Variants in DTD1 observed in about 807,000 individuals in gnomAD.
DTD1 encodes the protein D-tyrosyl-tRNA deacylase 1 homolog.
In DTD1, 13 loss-of-function variants were observed where a neutral mutation model predicts 25.6. That is an observed-to-expected ratio of 0.51 (90% CI 0.33 to 0.81). The LOEUF is 0.81. Ranked by LOEUF, DTD1 falls within the 30% of genes least tolerant of loss-of-function variation. DTD1 has a pLI of 0.02. For missense variants in DTD1, 193 were observed against 266.4 expected (o/e 0.72, Z 1.92); for synonymous variants, 110 against 103.6 (o/e 1.06, Z -0.37).
intron 3 of DTD1, among the ~76,000 whole-genome samples, chr20:18,619,053 C>T (rs1409177096): frequency 6.6e-6 from 1 of 152,114 alleles, no homozygotes; most frequent in Admixed American, 6.5e-5. Context: ...CTATGTTGCC[C>T]AGGCTGGTCT....
intron 3 of DTD1, among the ~76,000 whole-genome samples, chr20:18,625,315 A>G (rs778952250): frequency 7.2e-5 from 11 of 152,242 alleles, no homozygotes; most frequent in Non-Finnish European, 1.6e-4. Context: ...CTGACAAAAC[A>G]GATATTTTCA....
At chr20:18,704,749 T>TAAAATG (rs1305621625) in intron 4 of DTD1, among the ~76,000 whole-genome samples, 1 of 151,996 alleles carries the variant, frequency 6.6e-6, no homozygotes, top group Non-Finnish European at 1.5e-5. Context: ...AGGACAGACC[T>TAAAATG]CACCCCAAAG....
chr20:18,743,961 A>G (rs753228685), intron 4 of DTD1, 139 bp from the exon 5 acceptor site: 106 of 798,368 alleles, frequency 1.3e-4, no homozygotes, highest in Middle Eastern at 1.1e-3. Flanking sequence ...ATAATTTGGT[A>G]TATCTGAACC....
At chr20:18,748,002 A>C (rs2061307074) in intron 5 of DTD1, among the ~76,000 whole-genome samples, 1 of 152,168 alleles carries the variant, frequency 6.6e-6, no homozygotes, top group African/African-American at 2.4e-5. Context: ...CTGGCGACAG[A>C]GTGAGACTCC....
At chr20:18,708,298 A>G (rs868468711) in intron 4 of DTD1, among the ~76,000 whole-genome samples, 1 of 43,204 alleles carries the variant, frequency 2.3e-5, no homozygotes, top group Non-Finnish European at 4.2e-5. Flanking sequence ...TATATATATA[A>G]TATATATATT....
chr20:18,712,569 A>G (rs1600385903), intron 4 of DTD1, among the ~76,000 whole-genome samples: 1 of 152,324 alleles, frequency 6.6e-6, no homozygotes, highest in Non-Finnish European at 1.5e-5. Flanking sequence ...CCGAGATCCC[A>G]TATGAAAACG....
intron 4 of DTD1, among the ~76,000 whole-genome samples, chr20:18,677,196 G>T (rs1348654572): frequency 1.3e-5 from 2 of 152,002 alleles, no homozygotes; most frequent in Non-Finnish European, 2.9e-5. Flanking sequence ...CATTTGAAAT[G>T]GTTTGAGTTT....
intron 4 of DTD1, among the ~76,000 whole-genome samples, chr20:18,714,319 G>A (rs2061171391): frequency 6.6e-6 from 1 of 152,080 alleles, no homozygotes; most frequent in African/African-American, 2.4e-5. Flanking sequence ...CCTCTGATCT[G>A]GGGTACTGTT....
At chr20:18,711,477 G>C (rs1160956450) in intron 4 of DTD1, among the ~76,000 whole-genome samples, 2 of 151,946 alleles carry the variant, frequency 1.3e-5, no homozygotes, top group African/African-American at 4.8e-5. Flanking sequence ...GTTGCCTGAG[G>C]TCCTGTGTCT....
rs910609550 is a variant in DTD1, at chr20:18,660,131, G to A, written c.477+31898G>A. 1.2e-4 allele frequency among the ~76,000 whole-genome samples: 18 copies of A among 152,210 alleles called. 1 individual carries two copies. Among genetic ancestry groups the A allele is most frequent in the Middle Eastern group, 3.4e-3 (1 of 294 alleles). ...TGGAAGCCTATAATCACAGCTACTC[G>A]GGAGGGTGGAGGTTGCAGTGAGCTG... On this transcript the variant is annotated intron_variant, in intron 4 of 5. Transcript: ENST00000377452.
At chr20:18,611,784 T>G (rs183031960) in intron 3 of DTD1, among the ~76,000 whole-genome samples, 1 of 152,306 alleles carries the variant, frequency 6.6e-6, no homozygotes. Flanking sequence ...TCACTTGTTC[T>G]GTATACAGTG....
At chr20:18,597,389 A>G (rs1016220429) in intron 3 of DTD1, among the ~76,000 whole-genome samples, 1 of 152,186 alleles carries the variant, frequency 6.6e-6, no homozygotes, top group South Asian at 2.1e-4. Flanking sequence ...CACATACTGT[A>G]CAATTCACCT....
intron 4 of DTD1, among the ~76,000 whole-genome samples, chr20:18,666,562 T>C (rs2060932088): frequency 6.6e-6 from 1 of 152,192 alleles, no homozygotes; most frequent in South Asian, 2.1e-4. Context: ...CACAGTTAAT[T>C]AGACGTCCTG....
intron 4 of DTD1, among the ~76,000 whole-genome samples, chr20:18,708,277 A>ATAAT (rs376267580): frequency 2.6e-4 from 4 of 15,584 alleles, no homozygotes; most frequent in Non-Finnish European, 4.2e-4. Flanking sequence ...ATATATATAT[A>ATAAT]ATATATATTA....
intron 4 of DTD1, among the ~76,000 whole-genome samples, chr20:18,710,070 T>C (rs1199018587): frequency 6.6e-6 from 1 of 152,190 alleles, no homozygotes; most frequent in African/African-American, 2.4e-5. Context: ...TGATATATTG[T>C]CTACATTTTG....
intron 4 of DTD1, among the ~76,000 whole-genome samples, chr20:18,651,726 C>T (rs975916603): frequency 6.6e-6 from 1 of 152,222 alleles, no homozygotes; most frequent in Non-Finnish European, 1.5e-5. Flanking sequence ...CTTTTCAAAG[C>T]TCTCCAGGTG....
chr20:18,590,983 G>A (rs1490182929), intron 1 of DTD1, among the ~76,000 whole-genome samples: 2 of 152,178 alleles, frequency 1.3e-5, no homozygotes, highest in Non-Finnish European at 2.9e-5. Context: ...TAACTTCAAA[G>A]GTTATGAATT....
intron 3 of DTD1, among the ~76,000 whole-genome samples, chr20:18,619,527 C>T (rs890246212): frequency 2.1e-4 from 32 of 152,112 alleles, no homozygotes; most frequent in African/African-American, 7.0e-4. Context: ...TGGGTTCACA[C>T]GATTCTCCTG....
In DTD1 at chr20:18,640,079, G is replaced by A. The variant is rs1031857332; in HGVS notation, c.477+11846G>A. On this transcript the variant is annotated intron_variant, in intron 4 of 5. Transcript: ENST00000377452. ...TTTTTTTTTTTTTAAGTTTCATGTT[G>A]TCCCTTTGCCCCCCTTCATTTTCTC... is the stretch of plus-strand genomic sequence containing the variant. Among the ~76,000 whole-genome samples, 4 of 140,118 alleles carry A rather than the reference G, an allele frequency of 2.9e-5. No individual in the cohort carries two copies. The East Asian group carries it at 8.7e-4, about 30-fold the overall frequency. The allele number at this position is 140,118 out of a possible 152,430, so 91.9% of individuals were successfully genotyped here. A position where few individuals can be genotyped will look rare whatever the true frequency, so the allele number is the denominator to read the frequency against.
Sources: gnomAD v4.1 joint callset for allele counts (sites outside exome capture counted in the v4.1 genomes callset) on GRCh38, gnomAD v4.1.1 for gene constraint, MANE v1.5 for transcripts, NCBI Gene and HGNC (gene_info 2026-07-23, HGNC 2026-07-21) for gene names.